NPAS3: variants seen among roughly 807,000 people sequenced by gnomAD.
NPAS3 encodes the protein neuronal PAS domain protein 3.
NPAS3 carries 14 observed loss-of-function variants against 73.1 expected under a neutral mutation model. That is an observed-to-expected ratio of 0.19 (90% confidence interval 0.13 to 0.30). NPAS3 has a LOEUF of 0.30. Among genes scored for constraint, NPAS3 ranks in the 10% least tolerant of loss-of-function variants. The pLI is 1.00. For missense variants in NPAS3, 1,096 were observed against 1,250.0 expected (o/e 0.88, Z 1.86); for synonymous variants, 620 against 541.5 (o/e 1.14, Z -2.01).
intron 6 of NPAS3, among the ~76,000 whole-genome samples, chr14:33,694,444 G>C (rs532182229): frequency 3.3e-5 from 5 of 152,118 alleles, no homozygotes; most frequent in Non-Finnish European, 7.4e-5. Context: ...AGGAACCTGC[G>C]TATAACATTT....
At chr14:33,484,434 AGT>A (rs2051482208) in intron 4 of NPAS3, among the ~76,000 whole-genome samples, 1 of 152,186 alleles carries the variant, frequency 6.6e-6, no homozygotes, top group East Asian at 1.9e-4. Flanking sequence ...TTCTTCCCGT[AGT>A]GTGTTTTACA....
At position 33,483,059 on chromosome 14, in the gene NPAS3, A is replaced by G. The variant is rs148462933; in HGVS notation, c.469-77062A>G. Among the ~76,000 whole-genome samples the G allele has an allele frequency of 4.1e-3, 627 of 152,320 alleles. 6 individuals are homozygous for G. The highest frequency in any genetic ancestry group is 0.014 in the African/African-American group (592 of 41,564). On this transcript the variant is annotated intron_variant, in intron 4 of 11. Transcript: ENST00000356141. ...GGGAAAGCAAAGGAAGACCCGAGAAAGAGAAATTTGTCCCATGTTAGTTGA... is the reference window on the plus strand; with the variant it reads ...GGGAAAGCAAAGGAAGACCCGAGAAGGAGAAATTTGTCCCATGTTAGTTGA...
At chr14:33,361,554 T>G (rs1484460965) in intron 3 of NPAS3, among the ~76,000 whole-genome samples, 1 of 152,232 alleles carries the variant, frequency 6.6e-6, no homozygotes, top group African/African-American at 2.4e-5. Flanking sequence ...ATTTGCACAG[T>G]CGCCTCATCC....
intron 5 of NPAS3, among the ~76,000 whole-genome samples, chr14:33,575,546 T>A (rs1952595): frequency 0.68 from 103,105 of 152,034 alleles, 36,373 homozygotes; most frequent in African/African-American, 0.88. Context: ...GTCTTTGTAC[T>A]ATCAGAACAT....
At chr14:32,943,878 A>C (rs2036141032) in intron 1 of NPAS3, among the ~76,000 whole-genome samples, 1 of 151,838 alleles carries the variant, frequency 6.6e-6, no homozygotes, top group South Asian at 2.1e-4. Context: ...TAGTAGAGAT[A>C]GGGGTTTCAC....
At chr14:33,256,319 A>C (rs2139926104) in intron 3 of NPAS3, among the ~76,000 whole-genome samples, 1 of 152,322 alleles carries the variant, frequency 6.6e-6, no homozygotes, top group Non-Finnish European at 1.5e-5. Flanking sequence ...TCATAGAAAA[A>C]GTTTCTTTCT....
intron 2 of NPAS3, among the ~76,000 whole-genome samples, chr14:33,139,879 C>T (rs139318935): frequency 3.0e-4 from 45 of 152,088 alleles, no homozygotes; most frequent in African/African-American, 9.6e-4. Context: ...CTCAGATTTC[C>T]ACGTGCTTTC....
At chr14:33,480,318 A>G (rs1411680939) in intron 4 of NPAS3, among the ~76,000 whole-genome samples, 1 of 152,188 alleles carries the variant, frequency 6.6e-6, no homozygotes, top group East Asian at 1.9e-4. Flanking sequence ...TACAACTATA[A>G]CTACAGAACA....
At chr14:33,210,992 A>G (rs139998937) in intron 2 of NPAS3, among the ~76,000 whole-genome samples, 1 of 152,212 alleles carries the variant, frequency 6.6e-6, no homozygotes, top group African/African-American at 2.4e-5. Flanking sequence ...ATTAATGAGC[A>G]TTGCAGGCAT....
At chr14:33,657,573 G>T (rs2059180168) in intron 5 of NPAS3, among the ~76,000 whole-genome samples, 2 of 152,116 alleles carry the variant, frequency 1.3e-5, no homozygotes, top group Admixed American at 6.6e-5. Context: ...ATTGATTAGA[G>T]AAAGTTTTCC....
In NPAS3 at chr14:33,578,216, G is replaced by A. The variant is rs150420822; in HGVS notation, c.558+18006G>A. 2.2e-3 allele frequency: 996 copies of A among 455,702 alleles called. 7 individuals carry two copies. Among genetic ancestry groups the A allele is most frequent in the South Asian group, 3.8e-3 (245 of 64,546 alleles). The allele number at this position is 455,702 out of a possible 1,614,324, so 28.2% of individuals were successfully genotyped here. A position where few individuals can be genotyped will look rare whatever the true frequency, so the allele number is the denominator to read the frequency against. ...TTGTTTTTTTTTCCCTCTTTGAGAC[G>A]GAGTTTTACTCTTGTTGCCCAGGCT... On this transcript the variant is annotated intron_variant, in intron 5 of 11. Transcript: ENST00000356141.
At chr14:33,295,222 G>A (rs1016560937) in intron 3 of NPAS3, among the ~76,000 whole-genome samples, 1 of 152,114 alleles carries the variant, frequency 6.6e-6, no homozygotes, top group South Asian at 2.1e-4. Flanking sequence ...ATTAGCCTAC[G>A]ATAAAGTCAT....
chr14:33,280,819 G>T (rs974076969), intron 3 of NPAS3, among the ~76,000 whole-genome samples: 2 of 152,278 alleles, frequency 1.3e-5, no homozygotes, highest in South Asian at 2.1e-4. Flanking sequence ...GGTTGGGGGT[G>T]AGTCACCACT....
intron 5 of NPAS3, among the ~76,000 whole-genome samples, chr14:33,647,915 T>C (rs2058880569): frequency 6.6e-6 from 1 of 152,180 alleles, no homozygotes; most frequent in Admixed American, 6.5e-5. Flanking sequence ...ATAGAACATC[T>C]TACTAACTCT....
intron 4 of NPAS3, among the ~76,000 whole-genome samples, chr14:33,455,970 A>G (rs17101249): frequency 0.14 from 21,523 of 152,198 alleles, 1,841 homozygotes; most frequent in African/African-American, 0.23. Flanking sequence ...GGTTGTCCAA[A>G]ACCATGTCTT....
At chr14:33,730,078 TAAAG>T (rs925868700) in intron 6 of NPAS3, among the ~76,000 whole-genome samples, 5 of 152,086 alleles carry the variant, frequency 3.3e-5, no homozygotes, top group African/African-American at 1.2e-4. Context: ...ATACCCAGAA[TAAAG>T]ATTCTATCAA....
chr14:33,282,706 C>G (rs530502297), intron 3 of NPAS3, among the ~76,000 whole-genome samples: 2 of 152,102 alleles, frequency 1.3e-5, no homozygotes, highest in African/African-American at 2.4e-5. Context: ...CTAGTCTGCT[C>G]GACTGCTAGC....
intron 4 of NPAS3, among the ~76,000 whole-genome samples, chr14:33,531,732 T>C (rs1477665363): frequency 1.3e-5 from 2 of 152,108 alleles, no homozygotes; most frequent in Non-Finnish European, 2.9e-5. Context: ...TGTGTGTGTA[T>C]ATTTAACTTT....
chr14:33,040,404 A>C (rs762739429), intron 1 of NPAS3, among the ~76,000 whole-genome samples: 8 of 152,206 alleles, frequency 5.3e-5, no homozygotes, highest in Admixed American at 1.3e-4. Context: ...AAACATCTTG[A>C]TATGAAATGA....
Sources: allele counts gnomAD v4.1 joint callset (sites outside exome capture counted in the v4.1 genomes callset), GRCh38; gene constraint gnomAD v4.1.1; transcripts MANE v1.5; gene names NCBI Gene and HGNC (gene_info 2026-07-23, HGNC 2026-07-21).